The following ZNF354C variants were observed in gnomAD, a reference collection of about 807,000 sequenced individuals.
ZNF354C encodes zinc finger protein 354C.
A neutral mutation model predicts 12.4 loss-of-function variants in ZNF354C; 7 were observed. The observed-to-expected ratio is 0.56, with a 90% CI of 0.32 to 1.06. The LOEUF (loss-of-function observed/expected upper bound fraction) is 1.06, where lower values mean the gene tolerates loss of function less well. ZNF354C is among the 50% of genes least tolerant of loss of function. The probability of loss-of-function intolerance (pLI) is 0.04; values close to 1 mark genes in which losing one functional copy is unlikely to be tolerated. For missense variants in ZNF354C, 609 were observed against 658.0 expected (o/e 0.93, Z 0.81); for synonymous variants, 202 against 224.5 (o/e 0.90, Z 0.90).
intron 2 of ZNF354C, among the ~76,000 whole-genome samples, chr5:179,069,826 C>A (rs535174676): frequency 1.1e-3 from 159 of 144,428 alleles, no homozygotes; most frequent in Middle Eastern, 4.0e-3. Context: ...AGATTGCGCC[C>A]CTGCACTCCA....
intron 2 of ZNF354C, among the ~76,000 whole-genome samples, chr5:179,064,194 G>T (rs907188063): frequency 1.2e-4 from 18 of 152,148 alleles, no homozygotes; most frequent in Non-Finnish European, 2.1e-4. Context: ...TTTGGAAGGG[G>T]TGACAGCTGA....
At chr5:179,069,710 CA>C (rs1303774256) in intron 2 of ZNF354C, among the ~76,000 whole-genome samples, 1 of 149,916 alleles carries the variant, frequency 6.7e-6, no homozygotes, top group Non-Finnish European at 1.5e-5. Context: ...CTAAAAAATA[CA>C]AAAAATTAGC....
At position 179,080,079 on chromosome 5, in the gene ZNF354C, T is replaced by C. The variant is rs143218490; in HGVS notation, c.1647T>C (p.Asp549=). The C allele has an allele frequency of 3.9e-5, 62 of 1,575,926 alleles. No individual in the cohort carries two copies. Among genetic ancestry groups the C allele is most frequent in the Non-Finnish European group, 5.1e-5 (60 of 1,166,356 alleles). ...LTQYQRFFKG[D]KAYEV Reference sequence around the variant, plus strand: ...AGTATCAGAGATTTTTTAAAGGAGATAAAGCCTATGAGGTTTAGTTCATCT... The same window carrying C: ...AGTATCAGAGATTTTTTAAAGGAGACAAAGCCTATGAGGTTTAGTTCATCT... The change falls in exon 5 of 5, where the codon GAT becomes GAC. Residue 549 remains aspartate (D), a synonymous_variant. Coordinates refer to ENST00000315475, the MANE Select transcript of ZNF354C (RefSeq NM_014594.3).
intron 2 of ZNF354C, among the ~76,000 whole-genome samples, chr5:179,073,543 G>T (rs963774483): frequency 2.6e-5 from 4 of 151,974 alleles, no homozygotes; most frequent in African/African-American, 4.8e-5. Context: ...GACTGGAAAA[G>T]CTCTATCTTT....
intron 4 of ZNF354C, among the ~76,000 whole-genome samples, chr5:179,077,422 C>A (rs180919290): frequency 1.3e-4 from 20 of 152,316 alleles, no homozygotes; most frequent in African/African-American, 4.8e-4. Context: ...TCACCTCGAA[C>A]TAAATCTTTT....
intron 4 of ZNF354C, among the ~76,000 whole-genome samples, chr5:179,077,792 T>C (rs972474182): frequency 8.0e-5 from 12 of 150,070 alleles, no homozygotes; most frequent in African/African-American, 2.9e-4. Context: ...TTTCAAAACC[T>C]GAATGTCCCC....
At chr5:179,070,841 CTT>C (rs766817856) in intron 2 of ZNF354C, among the ~76,000 whole-genome samples, 11 of 75,462 alleles carry the variant, frequency 1.5e-4, no homozygotes, top group South Asian at 1.1e-3. Context: ...CTTGATCGCT[CTT>C]TTTTTTTTTT....
At chr5:179,062,203 T>A in intron 2 of ZNF354C, 108 bp downstream of exon 2, 1 of 1,432,334 alleles carries the variant, frequency 7.0e-7, no homozygotes, top group Non-Finnish European at 9.8e-7. Flanking sequence ...ACCAAAACGA[T>A]GAAGAATCCG....
chr5:179,066,343 A>G (rs1338771753), intron 2 of ZNF354C, among the ~76,000 whole-genome samples: 11 of 152,246 alleles, frequency 7.2e-5, no homozygotes, highest in Non-Finnish European at 1.2e-4. Flanking sequence ...TCCATATGCT[A>G]TCACCACCCA....
At chr5:179,076,772 C>T (rs752387813) in intron 3 of ZNF354C, among the ~76,000 whole-genome samples, 5 of 152,120 alleles carry the variant, frequency 3.3e-5, no homozygotes, top group Admixed American at 6.5e-5. Context: ...CACATCCTAC[C>T]GCCAATCAGT....
Position 179,079,468 on chromosome 5 carries a change from C to A in ZNF354C, c.1036C>A (p.His346Asn). 6.2e-7 allele frequency: 1 copy of A among 1,614,062 alleles called. No homozygotes were observed. The highest frequency in any genetic ancestry group is 8.5e-7 in the Non-Finnish European group (1 of 1,180,022). The change falls in exon 5 of 5, where the codon CAT (histidine) becomes AAT (asparagine). Residue 346 changes from histidine to asparagine, a missense_variant. Physicochemically the swap from His to Asn is moderately conservative, Grantham distance 68. Transcript: ENST00000315475. This position sits in a 1 kb window ranked among gnomAD's most constrained non-coding sequence, Gnocchi z 4.2. ...CAACTGTAGAGCAAAACTTCACAGG[C>A]ATCAAAGAATCCATACAGGTGAGAA... Reference protein sequence around the residue: ...AFNCRAKLHRHQRIHTGEKPY... With the variant: ...AFNCRAKLHRNQRIHTGEKPY...
At position 179,082,686 on chromosome 5, in the gene ZNF354C, C is replaced by G; in HGVS notation, c.*2589C>G. The G allele has an allele frequency of 1.3e-6, 2 of 1,592,644 alleles. No individual in the cohort carries two copies. Among genetic ancestry groups the G allele is most frequent in the South Asian group, 2.2e-5 (2 of 90,484 alleles). ...TTGTGGATGTGGTTAGTCAATGACA[C>G]CAGCTTGACGGATCTTTCTTTCTGC... On this transcript the variant is annotated 3_prime_UTR_variant, in exon 5 of 5. Coordinates refer to ENST00000315475, the MANE Select transcript of ZNF354C (RefSeq NM_014594.3).
At chr5:179,069,269 C>G (rs1440258686) in intron 2 of ZNF354C, among the ~76,000 whole-genome samples, 2 of 152,052 alleles carry the variant, frequency 1.3e-5, no homozygotes, top group East Asian at 3.9e-4. Flanking sequence ...TCTATTCTCT[C>G]TAAAGCCTGC....
rs920799874 is a variant in ZNF354C at position 179,081,030 on chromosome 5, A to C, written c.*933A>C. ...GTGAACAGAGTCAAGACTAGAATCT[A>C]GGTCTTTGGTTCTGGTGTTTTGTGA... On this transcript the variant is annotated 3_prime_UTR_variant, in exon 5 of 5. Transcript: ENST00000315475. The C allele has an allele frequency of 6.6e-6, 1 of 152,174 alleles. No individual in the cohort carries two copies. The highest frequency in any genetic ancestry group is 1.5e-5 in the Non-Finnish European group (1 of 68,024). 9.4% of individuals were successfully genotyped at this position (152,174 alleles called of 1,614,324 possible).
At chr5:179,075,083 C>T (rs1418841900) in intron 2 of ZNF354C, among the ~76,000 whole-genome samples, 1 of 151,392 alleles carries the variant, frequency 6.6e-6, no homozygotes, top group Admixed American at 6.6e-5. Flanking sequence ...CATGGTGAAA[C>T]CCCGTCTCTA....
rs1762240969 is a variant in ZNF354C at position 179,082,419 on chromosome 5, T to C, written c.*2322T>C. ...TAGAGGAACAAGTTGAATTACACAG[T>C]ATGGAAATAAATAGACAAGTCCAGA... On this transcript the variant is annotated 3_prime_UTR_variant, in exon 5 of 5. Transcript: ENST00000315475. The C allele has an allele frequency of 2.3e-6, 1 of 433,464 alleles. No homozygotes were observed. The allele number at this position is 433,464 out of a possible 1,614,324, so 26.9% of individuals were successfully genotyped here.
chr5:179,065,132 A>C lies in ZNF354C; in HGVS notation c.27+3037A>C, dbSNP rs537195114. The stretch of plus-strand genomic sequence containing the variant: ...TAATTACACAGTTATCATACCCTGC[A>C]CCCAGCTTCCCGTTATTCCCTACAT... On this transcript the variant is annotated intron_variant, in intron 2 of 4. Transcript: ENST00000315475. Among the ~76,000 whole-genome samples, 59 of 152,252 alleles carry C rather than the reference A, an allele frequency of 3.9e-4. 1 individual carries two copies. Among genetic ancestry groups the C allele is most frequent in the African/African-American group, 1.3e-3 (54 of 41,544 alleles).
chr5:179,082,514 T>A lies in ZNF354C; in HGVS notation c.*2417T>A. On this transcript the variant is annotated 3_prime_UTR_variant, in exon 5 of 5. Transcript: ENST00000315475. ...AATGGTTTTCTTAAATTTATTTTTT[T>A]AAACATAACACGAGGAAGCTGTTAA... 2 of 597,532 alleles carry A rather than the reference T, an allele frequency of 3.3e-6. No homozygotes were observed. The highest frequency in any genetic ancestry group is 6.0e-6 in the Non-Finnish European group (2 of 335,062). 37.0% of individuals were successfully genotyped at this position (597,532 alleles called of 1,614,324 possible). A position where few individuals can be genotyped will look rare whatever the true frequency, so the allele number is the denominator to read the frequency against.
At position 179,080,105 on chromosome 5, in the gene ZNF354C, C is replaced by G. The variant is rs1581122210; in HGVS notation, c.*8C>G. On this transcript the variant is annotated 3_prime_UTR_variant, in exon 5 of 5. Coordinates refer to ENST00000315475, the MANE Select transcript of ZNF354C (RefSeq NM_014594.3). ...AAAGCCTATGAGGTTTAGTTCATCT[C>G]TCAAATAATCCAAGACTTCTCACTG... is the stretch of plus-strand genomic sequence containing the variant. 2.6e-6 allele frequency: 4 copies of G among 1,527,232 alleles called. No homozygotes were observed. The highest frequency in any genetic ancestry group is 2.6e-6 in the Non-Finnish European group (3 of 1,137,280). 94.6% of individuals were successfully genotyped at this position (1,527,232 alleles called of 1,614,324 possible).
Sources: gnomAD v4.1 joint callset for allele counts (sites outside exome capture counted in the v4.1 genomes callset) on GRCh38, gnomAD v4.1.1 for gene constraint, Gnocchi (gnomAD v3.1) non-coding constraint, MANE v1.5 for transcripts, NCBI Gene and HGNC (gene_info 2026-07-23, HGNC 2026-07-21) for gene names.